CA13: variants seen among roughly 807,000 people sequenced by gnomAD.
CA13 encodes the protein carbonic anhydrase 13, also known as CA-XIII.
CA13 carries 21 observed loss-of-function variants against 31.5 expected under a neutral mutation model. The observed-to-expected ratio is 0.67, with a 90% CI of 0.47 to 0.96. CA13 has a LOEUF of 0.96. Ranked by LOEUF, CA13 falls within the 40% of genes least tolerant of loss-of-function variation. CA13 has a pLI of 0.00. For missense variants in CA13, 315 were observed against 318.9 expected (o/e 0.99, Z 0.09); for synonymous variants, 117 against 111.4 (o/e 1.05, Z -0.32).
In CA13 at chr8:85,281,486, AC is replaced by A; in HGVS notation, c.*138del. ...ACATTTTAGTATGAGCTTCAGTGTC[AC>A]AAAGAAAACCAGATCTCTCTCTCTT... On this transcript the variant is annotated 3_prime_UTR_variant, in exon 7 of 7. Transcript: ENST00000321764. 1 of 1,414,844 alleles carries A rather than the reference AC, an allele frequency of 7.1e-7. No individual in the cohort carries two copies. Among genetic ancestry groups the A allele is most frequent in the East Asian group, 2.5e-5 (1 of 39,566 alleles). 87.6% of individuals were successfully genotyped at this position (1,414,844 alleles called of 1,614,324 possible).
intron 3 of CA13, among the ~76,000 whole-genome samples, chr8:85,260,109 G>T (rs753409438): frequency 6.6e-6 from 1 of 151,174 alleles, no homozygotes; most frequent in Admixed American, 6.6e-5. Flanking sequence ...CTGTTATTCA[G>T]TTTATTGGTA....
chr8:85,258,490 G>C (rs1244219904), intron 2 of CA13, among the ~76,000 whole-genome samples: 4 of 152,072 alleles, frequency 2.6e-5, no homozygotes, highest in Non-Finnish European at 5.9e-5. Context: ...TGCTTTGCCT[G>C]TTTTTACAGT....
chr8:85,266,082 A>G (rs1483728830), intron 3 of CA13, among the ~76,000 whole-genome samples: 1 of 152,196 alleles, frequency 6.6e-6, no homozygotes, highest in Non-Finnish European at 1.5e-5. Flanking sequence ...AGGCTGCTCC[A>G]TTGCAGTCTC....
intron 3 of CA13, 67 bp downstream of exon 3, chr8:85,259,606 C>T (rs1361368686): frequency 1.6e-5 from 20 of 1,272,058 alleles, no homozygotes; most frequent in Non-Finnish European, 2.1e-5. Context: ...GGTACAGAGA[C>T]AACTTTACTG....
intron 3 of CA13, 47 bp from the exon 4 acceptor site, chr8:85,266,561 G>C: frequency 7.2e-7 from 1 of 1,391,484 alleles, no homozygotes; most frequent in Non-Finnish European, 1.0e-6. Flanking sequence ...ATGTTTTTCA[G>C]GATGTCTAAC....
At position 85,255,212 on chromosome 8, in the gene CA13, G is replaced by A. The variant is rs1337206951; in HGVS notation, c.236-4209G>A. On this transcript the variant is annotated intron_variant, in intron 2 of 6. Transcript: ENST00000321764. ...ACTCATTGAAGCCCGGAACTCCTGG[G>A]CTCAAGTGCTTCTCCCCACTTGGTT... Among the ~76,000 whole-genome samples, 25 of 151,044 alleles carry A rather than the reference G, an allele frequency of 1.7e-4. 1 individual carries two copies. Among genetic ancestry groups the A allele is most frequent in the Admixed American group, 1.7e-3 (25 of 15,150 alleles).
At chr8:85,273,947 G>T (rs1807564216) in intron 6 of CA13, among the ~76,000 whole-genome samples, 1 of 151,932 alleles carries the variant, frequency 6.6e-6, no homozygotes, top group Non-Finnish European at 1.5e-5. Flanking sequence ...CTGTAAACAA[G>T]AAGTGTCTCA....
intron 6 of CA13, among the ~76,000 whole-genome samples, chr8:85,275,141 G>A (rs1807584385): frequency 6.6e-6 from 1 of 152,142 alleles, no homozygotes; most frequent in Non-Finnish European, 1.5e-5. Context: ...ACAGTATCAG[G>A]CCTTTTTTGA....
rs778771451 is a variant in CA13, at chr8:85,268,522, A to G, written c.564A>G (p.Pro188=). The G allele has an allele frequency of 4.3e-6, 7 of 1,613,956 alleles. No individual in the cohort carries two copies. In the Admixed American group the frequency reaches 6.7e-5, roughly 15 times the overall value. The change falls in exon 6 of 7, where the codon CCA becomes CCG. Residue 188 remains proline (P), a synonymous_variant. Coordinates refer to ENST00000321764, the MANE Select transcript of CA13 (RefSeq NM_198584.3). ...TTGACCTATTGTCTCTGCTTCCACC[A>G]TCCTGGGACTACTGGACATATCCTG... ...TNFDLLSLLP[P]SWDYWTYPGS...
intron 3 of CA13, among the ~76,000 whole-genome samples, chr8:85,261,310 T>A (rs933791305): frequency 1.3e-5 from 2 of 152,066 alleles, no homozygotes; most frequent in African/African-American, 2.4e-5. Context: ...TCAATTCATG[T>A]TAAGACACCT....
Position 85,282,717 on chromosome 8 carries a change from T to G in CA13, c.*1368T>G, listed in dbSNP as rs1807725933. 1 of 152,194 alleles carries G rather than the reference T, an allele frequency of 6.6e-6. No homozygotes were observed. The highest frequency in any genetic ancestry group is 1.5e-5 in the Non-Finnish European group (1 of 68,026). 9.4% of individuals were successfully genotyped at this position (152,194 alleles called of 1,614,324 possible). A position where few individuals can be genotyped will look rare whatever the true frequency, so the allele number is the denominator to read the frequency against. On this transcript the variant is annotated 3_prime_UTR_variant, in exon 7 of 7. Transcript: ENST00000321764. The stretch of plus-strand genomic sequence containing the variant: ...TAATTTTAACCTATTATCTTTTATT[T>G]TTGTTTGTTTTTGGTGAAGGATAAG...
intron 2 of CA13, among the ~76,000 whole-genome samples, chr8:85,258,306 T>C (rs1807328626): frequency 6.6e-6 from 1 of 152,206 alleles, no homozygotes; most frequent in African/African-American, 2.4e-5. Flanking sequence ...GAAGCTTTTC[T>C]ATATACTTAA....
chr8:85,265,881 T>C (rs1250218995), intron 3 of CA13, among the ~76,000 whole-genome samples: 2 of 152,234 alleles, frequency 1.3e-5, no homozygotes, highest in African/African-American at 2.4e-5. Flanking sequence ...GGAGACTTTG[T>C]GTTTTCAAGC....
At chr8:85,274,846 A>G (rs1807579376) in intron 6 of CA13, among the ~76,000 whole-genome samples, 2 of 152,208 alleles carry the variant, frequency 1.3e-5, no homozygotes, top group South Asian at 2.1e-4. Flanking sequence ...TCCTCTTGCC[A>G]TCTTTGGCTC....
intron 3 of CA13, among the ~76,000 whole-genome samples, chr8:85,266,051 T>C (rs1372683429): frequency 6.6e-6 from 1 of 152,206 alleles, no homozygotes; most frequent in Non-Finnish European, 1.5e-5. Context: ...TGGACTTTAC[T>C]GCCAGCCGGG....
chr8:85,257,245 G>A (rs1807313840), intron 2 of CA13, among the ~76,000 whole-genome samples: 1 of 152,026 alleles, frequency 6.6e-6, no homozygotes, highest in African/African-American at 2.4e-5. Context: ...GTACTCTCTG[G>A]GCACTGGAGA....
rs374137717 is a variant in CA13 at position 85,248,881 on chromosome 8, G to A, written c.38-1859G>A. On this transcript the variant is annotated intron_variant, in intron 1 of 6. Coordinates refer to ENST00000321764, the MANE Select transcript of CA13 (RefSeq NM_198584.3). ...ATTGCGCATTTGAAATTGAATTTTC[G>A]TTAGGTTAACTCTTACTTGGTGGCA... Among the ~76,000 whole-genome samples, 18 of 152,206 alleles carry A rather than the reference G, an allele frequency of 1.2e-4. No homozygotes were observed. In the East Asian group the frequency reaches 3.1e-3, roughly 26 times the overall value.
Position 85,281,424 on chromosome 8 carries a change from G to A in CA13, c.*75G>A, listed in dbSNP as rs1423232685. 3 of 1,549,192 alleles carry A rather than the reference G, an allele frequency of 1.9e-6. No homozygotes were observed. In the African/African-American group the frequency reaches 4.1e-5, roughly 21 times the overall value. On this transcript the variant is annotated 3_prime_UTR_variant, in exon 7 of 7. Coordinates refer to ENST00000321764, the MANE Select transcript of CA13 (RefSeq NM_198584.3). ...AACAAAACAAAGCACAAAAGTCTCT[G>A]CCAACAACTCTTTTGTGGAATTCTA...
chr8:85,259,175 C>A (rs1463152110), intron 2 of CA13, among the ~76,000 whole-genome samples: 1 of 152,170 alleles, frequency 6.6e-6, no homozygotes, highest in African/African-American at 2.4e-5. Context: ...ACCAGTATGT[C>A]TGTTACGATT....
Sources: allele counts gnomAD v4.1 joint callset (sites outside exome capture counted in the v4.1 genomes callset), GRCh38; gene constraint gnomAD v4.1.1; transcripts MANE v1.5; gene names NCBI Gene and HGNC (gene_info 2026-07-23, HGNC 2026-07-21).